The following TARBP1 variants were observed in gnomAD, a reference collection of about 807,000 sequenced individuals.
TARBP1 encodes tRNA (guanosine(18)-2'-O)-methyltransferase TARBP1.
TARBP1 carries 144 observed loss-of-function variants against 178.6 expected under a neutral mutation model. That is an observed-to-expected ratio of 0.81 (90% CI 0.70 to 0.93). The LOEUF is 0.93. Among genes scored for constraint, TARBP1 ranks in the 40% least tolerant of loss-of-function variants. The probability of loss-of-function intolerance (pLI) is 0.00; values close to 1 mark genes in which losing one functional copy is unlikely to be tolerated. For synonymous variants in TARBP1, 787 were observed against 781.0 expected (o/e 1.01, Z -0.13); for missense variants, 2,067 against 2,011.7 (o/e 1.03, Z -0.53).
chr1:234,438,881 A>T (rs980688307), intron 12 of TARBP1, among the ~76,000 whole-genome samples: 1 of 152,238 alleles, frequency 6.6e-6, no homozygotes, highest in African/African-American at 2.4e-5. Flanking sequence ...TGAAAAAACA[A>T]TCTTGAAAAC....
At chr1:234,391,850 T>C in intron 29 of TARBP1, 105 bp from the exon 30 acceptor site, 2 of 1,187,530 alleles carry the variant, frequency 1.7e-6, no homozygotes, top group East Asian at 2.6e-5. Context: ...CTCTTTGATA[T>C]TCTGAATGTT....
intron 19 of TARBP1, among the ~76,000 whole-genome samples, chr1:234,426,318 C>T (rs951320304): frequency 2.6e-5 from 4 of 152,068 alleles, no homozygotes; most frequent in African/African-American, 9.7e-5. Context: ...CGTCACATTC[C>T]GTTATAATTG....
At chr1:234,456,924 C>T (rs1192414789) in intron 9 of TARBP1, among the ~76,000 whole-genome samples, 1 of 152,098 alleles carries the variant, frequency 6.6e-6, no homozygotes, top group Non-Finnish European at 1.5e-5. Flanking sequence ...ACAATTTGCC[C>T]CTTCTTCATT....
intron 26 of TARBP1, among the ~76,000 whole-genome samples, chr1:234,397,096 G>A (rs1217416822): frequency 6.8e-6 from 1 of 147,844 alleles, no homozygotes; most frequent in African/African-American, 2.5e-5. Flanking sequence ...AGGCTAAAAT[G>A]TGAGTGACAG....
chr1:234,410,944 C>CAA (rs1661746696), intron 22 of TARBP1, among the ~76,000 whole-genome samples: 1 of 152,154 alleles, frequency 6.6e-6, no homozygotes, highest in East Asian at 1.9e-4. Flanking sequence ...TGGTAGCGCA[C>CAA]ACCTGTAGTC....
intron 11 of TARBP1, among the ~76,000 whole-genome samples, chr1:234,447,345 CA>C (rs34101720): frequency 0.08 from 8,038 of 100,278 alleles, 231 homozygotes; most frequent in Non-Finnish European, 0.089. Context: ...TTTAAAAATC[CA>C]AAAAAAAAAA....
chr1:234,479,132 G>T lies in TARBP1; in HGVS notation c.-29C>A. ...CCGAGCGCCCGCGCCACCGGCCCGGGCTCCCAAAGGAAGGCGCCGGCGTGT... is the reference window on the plus strand; with the variant it reads ...CCGAGCGCCCGCGCCACCGGCCCGGTCTCCCAAAGGAAGGCGCCGGCGTGT... On this transcript the variant is annotated 5_prime_UTR_variant, in exon 1 of 30. Transcript: ENST00000040877. 2 of 1,502,248 alleles carry T rather than the reference G, an allele frequency of 1.3e-6. No individual in the cohort carries two copies. Among genetic ancestry groups the T allele is most frequent in the Non-Finnish European group, 8.8e-7 (1 of 1,139,138 alleles). The allele number at this position is 1,502,248 out of a possible 1,614,324, so 93.1% of individuals were successfully genotyped here. A position where few individuals can be genotyped will look rare whatever the true frequency, so the allele number is the denominator to read the frequency against.
intron 20 of TARBP1, among the ~76,000 whole-genome samples, chr1:234,422,475 G>A (rs1663215849): frequency 6.6e-6 from 1 of 152,100 alleles, no homozygotes; most frequent in South Asian, 2.1e-4. Context: ...AGTGAAATAA[G>A]CCAGGCACAA....
At chr1:234,421,039 A>G (rs1418257656) in intron 20 of TARBP1, among the ~76,000 whole-genome samples, 1 of 152,204 alleles carries the variant, frequency 6.6e-6, no homozygotes, top group African/African-American at 2.4e-5. Context: ...TTTTTAAATA[A>G]AACACTTCAA....
chr1:234,417,874 G>C (rs1002373922), intron 22 of TARBP1, among the ~76,000 whole-genome samples: 8 of 152,036 alleles, frequency 5.3e-5, no homozygotes, highest in African/African-American at 1.9e-4. Context: ...TTGTTGAATA[G>C]AACAGCTCTC....
intron 1 of TARBP1, among the ~76,000 whole-genome samples, chr1:234,476,145 G>A (rs1334715787): frequency 6.6e-6 from 1 of 152,152 alleles, no homozygotes; most frequent in Non-Finnish European, 1.5e-5. Flanking sequence ...TGTGGAAAAG[G>A]TAAACAATAT....
intron 12 of TARBP1, among the ~76,000 whole-genome samples, chr1:234,437,666 A>T (rs987384014): frequency 2.0e-5 from 3 of 152,230 alleles, no homozygotes; most frequent in Admixed American, 1.3e-4. Context: ...CTCTACAAGG[A>T]AAAAATAGCA....
intron 22 of TARBP1, among the ~76,000 whole-genome samples, chr1:234,414,215 T>A (rs1305072775): frequency 1.1e-4 from 16 of 152,098 alleles, no homozygotes; most frequent in Non-Finnish European, 4.4e-5. Flanking sequence ...AATATGAAAA[T>A]GCATGGACAT....
chr1:234,398,236 C>A, intron 26 of TARBP1, 146 bp downstream of exon 26: 1 of 514,788 alleles, frequency 1.9e-6, no homozygotes. Flanking sequence ...CACACTTTTT[C>A]ACTGTCTTTT....
chr1:234,450,278 T>TA (rs1666613518), intron 10 of TARBP1, 150 bp downstream of exon 10: 1 of 562,096 alleles, frequency 1.8e-6, no homozygotes. Flanking sequence ...ATCTTTACTT[T>TA]TTTTTCACAT....
chr1:234,458,563 G>A (rs143979640), intron 8 of TARBP1, among the ~76,000 whole-genome samples: 2,308 of 152,272 alleles, frequency 0.015, 24 homozygotes, highest in Admixed American at 0.027. Context: ...TTGCAACACA[G>A]ATCATAAAGC....
chr1:234,478,438 C>A lies in TARBP1; in HGVS notation c.666G>T (p.Gly222=). The A allele has an allele frequency of 1.4e-6, 2 of 1,389,910 alleles. No homozygotes were observed. Among genetic ancestry groups the A allele is most frequent in the Non-Finnish European group, 1.9e-6 (2 of 1,067,928 alleles). 86.1% of individuals were successfully genotyped at this position (1,389,910 alleles called of 1,614,324 possible). A position where few individuals can be genotyped will look rare whatever the true frequency, so the allele number is the denominator to read the frequency against. ...GGLAAPGASL[G]SGRVEEKLLV... ...GCAGCTTCTCCTCTACGCGGCCGGACCCCAGGGACGCCCCAGGCGCGGCCA... is the reference window on the plus strand; with the variant it reads ...GCAGCTTCTCCTCTACGCGGCCGGAACCCAGGGACGCCCCAGGCGCGGCCA... Residue 222 remains glycine (G), a synonymous_variant, in exon 1 of 30, where the codon GGG becomes GGT. Coordinates refer to ENST00000040877, the MANE Select transcript of TARBP1 (RefSeq NM_005646.4).
At chr1:234,455,824 G>C (rs1416277798) in intron 9 of TARBP1, among the ~76,000 whole-genome samples, 1 of 150,968 alleles carries the variant, frequency 6.6e-6, no homozygotes, top group Non-Finnish European at 1.5e-5. Flanking sequence ...AATATAAAAA[G>C]AGCACTTACA....
chr1:234,478,128 C>A, intron 1 of TARBP1, 45 bp downstream of exon 1: 2 of 1,581,432 alleles, frequency 1.3e-6, no homozygotes, highest in South Asian at 1.1e-5. Flanking sequence ...CCCTCTGGGG[C>A]AGCCAAGTAG....
Sources: gnomAD v4.1 joint callset for allele counts (sites outside exome capture counted in the v4.1 genomes callset) on GRCh38, gnomAD v4.1.1 for gene constraint, MANE v1.5 for transcripts, NCBI Gene and HGNC (gene_info 2026-07-23, HGNC 2026-07-21) for gene names.